Variants in FMN2 observed in about 807,000 individuals in gnomAD.
FMN2 encodes formin-2.
In FMN2, 51 loss-of-function variants were observed where a neutral mutation model predicts 142.3. That is an observed-to-expected ratio of 0.36 (90% CI 0.29 to 0.45). The LOEUF (loss-of-function observed/expected upper bound fraction) is 0.45. Among genes scored for constraint, FMN2 ranks in the 20% least tolerant of loss-of-function variants. FMN2 has a pLI of 1.00. For synonymous variants in FMN2, 882 were observed against 869.8 expected (o/e 1.01, Z -0.25); for missense variants, 1,936 against 2,122.8 (o/e 0.91, Z 1.73).
intron 15 of FMN2, among the ~76,000 whole-genome samples, chr1:240,427,320 C>T (rs1427127700): frequency 6.6e-6 from 1 of 151,988 alleles, no homozygotes; most frequent in African/African-American, 2.4e-5. Context: ...ATTCTCCTGC[C>T]TCAGCCTCCT....
At chr1:240,367,752 A>G (rs1236984109) in intron 14 of FMN2, among the ~76,000 whole-genome samples, 2 of 136,052 alleles carry the variant, frequency 1.5e-5, no homozygotes, top group Admixed American at 7.8e-5. Context: ...TGGGTGACAG[A>G]GCGAGACTCA....
chr1:240,186,169 A>G (rs1665439943), intron 3 of FMN2, among the ~76,000 whole-genome samples: 1 of 152,182 alleles, frequency 6.6e-6, no homozygotes, highest in Admixed American at 6.5e-5. Context: ...GATTCAGAAA[A>G]TAGCTAAAGG....
At chr1:240,267,038 C>G (rs1432963339) in intron 7 of FMN2, among the ~76,000 whole-genome samples, 2 of 151,994 alleles carry the variant, frequency 1.3e-5, no homozygotes, top group East Asian at 3.9e-4. Context: ...TTGGCTTTGG[C>G]AAATAATTTA....
At chr1:240,468,203 T>TAC (rs1210662197) in intron 16 of FMN2, among the ~76,000 whole-genome samples, 2 of 114,046 alleles carry the variant, frequency 1.8e-5, no homozygotes, top group Non-Finnish European at 3.5e-5. Flanking sequence ...AAAATATATA[T>TAC]ATATGTGTGT....
At chr1:240,199,709 A>C (rs752421216) in intron 4 of FMN2, among the ~76,000 whole-genome samples, 5 of 152,166 alleles carry the variant, frequency 3.3e-5, no homozygotes, top group Non-Finnish European at 5.9e-5. Flanking sequence ...ACCACTTATG[A>C]TTTAGGGTTT....
intron 15 of FMN2, among the ~76,000 whole-genome samples, chr1:240,393,961 G>T (rs1282028312): frequency 6.6e-6 from 1 of 152,180 alleles, no homozygotes; most frequent in Admixed American, 6.5e-5. Context: ...CTGCAGCCGA[G>T]GCGATGGGAG....
chr1:240,255,976 A>C (rs1404622036), intron 6 of FMN2, among the ~76,000 whole-genome samples: 1 of 152,228 alleles, frequency 6.6e-6, no homozygotes, highest in Non-Finnish European at 1.5e-5. Context: ...TCTTCAAAAG[A>C]ACTGAGAAGA....
At position 240,437,292 on chromosome 1, in the gene FMN2, C is replaced by CTTTTTT. The variant is rs10649766; in HGVS notation, c.4911-755_4911-750dup. ...TAGGAGACTTTGTCAGCATCTCTTG[C>CTTTTTT]TTTTTTTTTTTTTTTTTTTGAGACG... On this transcript the variant is annotated intron_variant, in intron 15 of 17. Coordinates refer to ENST00000319653, the MANE Select transcript of FMN2 (RefSeq NM_020066.5). Among the ~76,000 whole-genome samples, 167 of 117,362 alleles carry CTTTTTT rather than the reference C, an allele frequency of 1.4e-3. 3 individuals carry two copies. The highest frequency in any genetic ancestry group is 0.012 in the East Asian group (42 of 3,458). 77.0% of individuals were successfully genotyped at this position (117,362 alleles called of 152,430 possible). A position where few individuals can be genotyped will look rare whatever the true frequency, so the allele number is the denominator to read the frequency against.
At chr1:240,451,131 G>A (rs1323820000) in intron 16 of FMN2, among the ~76,000 whole-genome samples, 1 of 152,092 alleles carries the variant, frequency 6.6e-6, no homozygotes, top group Admixed American at 6.6e-5. Flanking sequence ...GCTTTGGGAG[G>A]CCGAGGCGGG....
intron 7 of FMN2, among the ~76,000 whole-genome samples, chr1:240,289,636 T>C (rs2102951533): frequency 6.6e-6 from 1 of 152,160 alleles, no homozygotes; most frequent in African/African-American, 2.4e-5. Flanking sequence ...GCTATGATCA[T>C]ACCACTGCAC....
At chr1:240,239,935 T>C (rs1024739975) in intron 6 of FMN2, among the ~76,000 whole-genome samples, 2 of 152,212 alleles carry the variant, frequency 1.3e-5, no homozygotes, top group African/African-American at 4.8e-5. Context: ...AAGGGAACTA[T>C]TTTGGTTGTT....
intron 2 of FMN2, among the ~76,000 whole-genome samples, chr1:240,138,638 T>G (rs958644861): frequency 1.3e-5 from 2 of 152,026 alleles, no homozygotes; most frequent in African/African-American, 4.8e-5. Flanking sequence ...ACCAAGGAGC[T>G]GGCGGTTGCA....
intron 2 of FMN2, among the ~76,000 whole-genome samples, chr1:240,131,557 A>G (rs1469364429): frequency 6.6e-6 from 1 of 152,050 alleles, no homozygotes; most frequent in Non-Finnish European, 1.5e-5. Flanking sequence ...TAAAAATACA[A>G]AATTAGCCAG....
intron 15 of FMN2, among the ~76,000 whole-genome samples, chr1:240,417,707 G>A (rs895334562): frequency 1.1e-4 from 17 of 152,024 alleles, no homozygotes; most frequent in African/African-American, 1.7e-4. Context: ...TGGACTATTT[G>A]TCTTTCTTAG....
At chr1:240,449,302 T>G (rs1421949260) in intron 16 of FMN2, among the ~76,000 whole-genome samples, 1 of 152,182 alleles carries the variant, frequency 6.6e-6, no homozygotes, top group Admixed American at 6.5e-5. Context: ...GCCTTTCCTG[T>G]GACTTTCTGC....
chr1:240,202,238 A>C (rs1335296183), intron 4 of FMN2, among the ~76,000 whole-genome samples: 2 of 152,194 alleles, frequency 1.3e-5, no homozygotes, highest in Non-Finnish European at 2.9e-5. Flanking sequence ...AGTGGATTCT[A>C]CTTAAGAGAT....
At chr1:240,131,898 A>C (rs968543659) in intron 2 of FMN2, among the ~76,000 whole-genome samples, 2 of 152,204 alleles carry the variant, frequency 1.3e-5, no homozygotes, top group Admixed American at 1.3e-4. Context: ...CCATAAACAG[A>C]TTGGCATTTG....
intron 1 of FMN2, among the ~76,000 whole-genome samples, chr1:240,116,681 A>G (rs1034365328): frequency 6.6e-6 from 1 of 152,110 alleles, no homozygotes; most frequent in Non-Finnish European, 1.5e-5. Flanking sequence ...GCTTTTGTCC[A>G]GAAGTCTGAG....
intron 2 of FMN2, among the ~76,000 whole-genome samples, chr1:240,147,098 T>G (rs905004595): frequency 5.3e-5 from 8 of 152,162 alleles, no homozygotes; most frequent in Admixed American, 1.3e-4. Context: ...TTTTTTTTCT[T>G]GTTTCTTCAT....
Sources: allele counts gnomAD v4.1 joint callset (sites outside exome capture counted in the v4.1 genomes callset), GRCh38; gene constraint gnomAD v4.1.1; transcripts MANE v1.5; gene names NCBI Gene and HGNC (gene_info 2026-07-23, HGNC 2026-07-21).